Variants in MS4A4E observed in about 807,000 individuals in gnomAD.
The protein encoded by MS4A4E is membrane spanning 4-domains A4E.
A neutral mutation model predicts 13.3 loss-of-function variants in MS4A4E; 23 were observed. The observed-to-expected ratio is 1.73, with a 90% confidence interval of 1.25 to 2.45. The LOEUF (loss-of-function observed/expected upper bound fraction) is 2.45. MS4A4E is among the 30% of genes most tolerant of loss of function. MS4A4E has a pLI of 0.00. For missense variants in MS4A4E, 144 were observed against 131.2 expected, an observed-to-expected ratio of 1.10 and a Z score of -0.48; for synonymous variants, 36 against 45.6, an observed-to-expected ratio of 0.79 and a Z score of 0.85.
chr11:60,220,012 C>T (rs1401103279), intron 3 of MS4A4E, among the ~76,000 whole-genome samples: 2 of 152,172 alleles, frequency 1.3e-5, no homozygotes, highest in Non-Finnish European at 2.9e-5. Flanking sequence ...CCCACACTGG[C>T]CCCTGACTCA....
intron 3 of MS4A4E, among the ~76,000 whole-genome samples, chr11:60,219,219 A>G (rs555644808): frequency 5.1e-4 from 77 of 152,314 alleles, no homozygotes; most frequent in African/African-American, 1.8e-3. Flanking sequence ...GAGCTCTGTG[A>G]TTGCCTTTCT....
chr11:60,221,501 C>T (rs145544667), intron 3 of MS4A4E, among the ~76,000 whole-genome samples: 59 of 152,318 alleles, frequency 3.9e-4, no homozygotes, highest in African/African-American at 1.3e-3. Context: ...TGGCTCTGCA[C>T]GATATGCAGG....
intron 1 of MS4A4E, among the ~76,000 whole-genome samples, chr11:60,235,313 A>G (rs2134970656): frequency 1.3e-5 from 2 of 152,254 alleles, no homozygotes; most frequent in South Asian, 4.1e-4. Flanking sequence ...GGCTGTTCTC[A>G]AATTCACAGG....
chr11:60,207,149 T>C (rs1411921206), intron 6 of MS4A4E, among the ~76,000 whole-genome samples: 2 of 152,174 alleles, frequency 1.3e-5, no homozygotes, highest in African/African-American at 2.4e-5. Context: ...TGGCCTGGAA[T>C]AGCAGGGATC....
At chr11:60,218,400 G>A (rs535533484) in intron 3 of MS4A4E, among the ~76,000 whole-genome samples, 25 of 152,108 alleles carry the variant, frequency 1.6e-4, no homozygotes, top group African/African-American at 5.3e-4. Context: ...ACACCTATTC[G>A]CATACTCCCT....
intron 3 of MS4A4E, among the ~76,000 whole-genome samples, chr11:60,228,389 A>T (rs998598674): frequency 6.6e-6 from 1 of 152,250 alleles, no homozygotes; most frequent in Admixed American, 6.5e-5. Flanking sequence ...TAAAATGGTA[A>T]TGAGATTGGA....
chr11:60,234,881 TTA>T (rs1491392999), intron 1 of MS4A4E, among the ~76,000 whole-genome samples: 10 of 127,818 alleles, frequency 7.8e-5, no homozygotes, highest in African/African-American at 2.7e-4. Flanking sequence ...GTGGCTGAAT[TTA>T]AAAAAAAAAA....
At chr11:60,206,222 G>C (rs544655065) in intron 6 of MS4A4E, among the ~76,000 whole-genome samples, 1 of 152,014 alleles carries the variant, frequency 6.6e-6, no homozygotes, top group Non-Finnish European at 1.5e-5. Flanking sequence ...GGGAGCAGAA[G>C]TATGTGTTTT....
chr11:60,222,510 C>T (rs1279834822), intron 3 of MS4A4E, among the ~76,000 whole-genome samples: 4 of 152,170 alleles, frequency 2.6e-5, no homozygotes, highest in Non-Finnish European at 5.9e-5. Context: ...CTCCAGAAGG[C>T]TGTGCATGCT....
intron 6 of MS4A4E, among the ~76,000 whole-genome samples, chr11:60,206,517 A>ACC (rs1210613564): frequency 7.2e-6 from 1 of 139,312 alleles, no homozygotes. Flanking sequence ...ATATATACAC[A>ACC]CACACACACA....
intron 1 of MS4A4E, among the ~76,000 whole-genome samples, chr11:60,235,659 C>A (rs897809892): frequency 5.9e-5 from 9 of 152,192 alleles, no homozygotes; most frequent in African/African-American, 2.2e-4. Flanking sequence ...GTCTCCCTTC[C>A]GGGACAAGTT....
At chr11:60,214,312 C>T (rs1039103098) in intron 4 of MS4A4E, among the ~76,000 whole-genome samples, 2 of 152,132 alleles carry the variant, frequency 1.3e-5, no homozygotes, top group African/African-American at 4.8e-5. Flanking sequence ...TGAGTGATCC[C>T]ACTTCATATT....
In MS4A4E at chr11:60,228,576, T is replaced by C; in HGVS notation, c.178+18A>G. On this transcript the variant is annotated intron_variant, in intron 3 of 8. Coordinates refer to ENST00000651255, the MANE Select transcript of MS4A4E (RefSeq NM_001393391.1). ...AACTAAACATACTCTTACAATACAA[T>C]ATAGTAATCATACTTACCCGAATGA... 2.9e-6 allele frequency: 2 copies of C among 692,422 alleles called. No homozygotes were observed. Among genetic ancestry groups the C allele is most frequent in the Non-Finnish European group, 5.3e-6 (2 of 380,352 alleles). 42.9% of individuals were successfully genotyped at this position (692,422 alleles called of 1,614,324 possible).
chr11:60,207,214 C>T (rs745975395), intron 6 of MS4A4E, among the ~76,000 whole-genome samples: 20 of 152,066 alleles, frequency 1.3e-4, no homozygotes, highest in Non-Finnish European at 1.8e-4. Context: ...GTGCAACATT[C>T]GATTGGTAGG....
At chr11:60,206,466 C>A (rs2084043620) in intron 6 of MS4A4E, among the ~76,000 whole-genome samples, 1 of 10,066 alleles carries the variant, frequency 9.9e-5, no homozygotes, top group Non-Finnish European at 2.1e-4. Context: ...AATATATACA[C>A]ACACACACAT....
At chr11:60,225,584 A>G in intron 3 of MS4A4E, among the ~76,000 whole-genome samples, 1 of 152,228 alleles carries the variant, frequency 6.6e-6, no homozygotes, top group East Asian at 1.9e-4. Flanking sequence ...CTGGAGTACA[A>G]TTATCTCATG....
intron 2 of MS4A4E, among the ~76,000 whole-genome samples, 153 bp from the exon 3 acceptor site, chr11:60,228,780 A>G (rs2134960249): frequency 6.6e-6 from 1 of 152,370 alleles, no homozygotes; most frequent in South Asian, 2.1e-4. Flanking sequence ...CTATTAAGCC[A>G]TAAGAAAACA....
At chr11:60,214,325 T>C (rs1322503949) in intron 4 of MS4A4E, among the ~76,000 whole-genome samples, 1 of 152,178 alleles carries the variant, frequency 6.6e-6, no homozygotes, top group Non-Finnish European at 1.5e-5. Flanking sequence ...TTCATATTTG[T>C]TCTAAATAAT....
intron 3 of MS4A4E, among the ~76,000 whole-genome samples, chr11:60,217,508 G>C (rs990680210): frequency 6.6e-6 from 1 of 152,090 alleles, no homozygotes; most frequent in African/African-American, 2.4e-5. Flanking sequence ...CTTTGTCTAA[G>C]GAGATAAACC....
Sources: gnomAD v4.1 joint callset for allele counts (sites outside exome capture counted in the v4.1 genomes callset) on GRCh38, gnomAD v4.1.1 for gene constraint, MANE v1.5 for transcripts, NCBI Gene and HGNC (gene_info 2026-07-23, HGNC 2026-07-21) for gene names.